Variants in ACKR5 observed in about 807,000 individuals in gnomAD.
ACKR5 encodes the protein G protein-coupled receptor 182.
the ACKR5 span, chr12:56,996,043 G>C: frequency 6.2e-7 from 1 of 1,611,132 alleles, no homozygotes; most frequent in Non-Finnish European, 8.5e-7. Context: ...ATGTGACCCT[G>C]CTGCTGCTCA....
chr12:56,997,713 T>G, the ACKR5 span: 1 of 152,242 alleles, frequency 6.6e-6, no homozygotes, highest in Non-Finnish European at 1.5e-5. Flanking sequence ...GAATCACTGA[T>G]AGCCTCTTCA....
At chr12:56,995,877 C>T in the ACKR5 span, 1 of 1,612,356 alleles carries the variant, frequency 6.2e-7, no homozygotes, top group Non-Finnish European at 8.5e-7. The surrounding 1 kb of genome is among the most constrained non-coding windows in gnomAD (Gnocchi z 4.7). Flanking sequence ...CTGTCCACCA[C>T]CATCCTGGGC....
At chr12:56,996,525 G>T in the ACKR5 span, 1 of 1,055,948 alleles carries the variant, frequency 9.5e-7, no homozygotes, top group Non-Finnish European at 1.4e-6. Context: ...AGCACTCGTG[G>T]TCAATTTTGA....
the ACKR5 span, chr12:56,995,990 T>C: frequency 1.2e-6 from 2 of 1,610,408 alleles, no homozygotes; most frequent in Non-Finnish European, 1.7e-6. This position sits in a 1 kb window ranked among gnomAD's most constrained non-coding sequence, Gnocchi z 4.7. Context: ...CCTGCTGCTG[T>C]GCGCCTACGT....
chr12:56,995,328 T>C, the ACKR5 span: 1 of 1,614,210 alleles, frequency 6.2e-7, no homozygotes, highest in Non-Finnish European at 8.5e-7. The surrounding 1 kb of genome is among the most constrained non-coding windows in gnomAD (Gnocchi z 4.7). Flanking sequence ...AACCACACTT[T>C]GTCTGAGTGC....
chr12:56,996,364 A>G, the ACKR5 span: 7 of 1,612,692 alleles, frequency 4.3e-6, 1 homozygote, highest in Non-Finnish European at 5.9e-6. Flanking sequence ...GCTTTCAGGC[A>G]CACCATTTGC....
At chr12:56,994,757 CGTGT>C in the ACKR5 span, 13 of 176,844 alleles carry the variant, frequency 7.4e-5, no homozygotes, top group East Asian at 2.9e-4. Context: ...GTGTGGTGTG[CGTGT>C]GTGTGTGTGT....
chr12:56,995,960 C>T, the ACKR5 span: 3 of 1,611,918 alleles, frequency 1.9e-6, no homozygotes, highest in Admixed American at 1.7e-5. The surrounding 1 kb of genome is among the most constrained non-coding windows in gnomAD (Gnocchi z 4.7). Context: ...GCCAGGACAA[C>T]CCAAGAGCCG....
At chr12:56,998,767 G>A in the ACKR5 span, 1 of 152,612 alleles carries the variant, frequency 6.6e-6, no homozygotes, top group African/African-American at 2.4e-5. Flanking sequence ...CTGCTGAAAG[G>A]GTGATGAGCC....
chr12:56,996,528 A>T, the ACKR5 span: 1 of 1,000,598 alleles, frequency 1.0e-6, no homozygotes, highest in Non-Finnish European at 1.5e-6. Flanking sequence ...ACTCGTGGTC[A>T]ATTTTGAATC....
chr12:56,996,221 T>C, the ACKR5 span: 2 of 1,614,056 alleles, frequency 1.2e-6, no homozygotes, highest in Non-Finnish European at 1.7e-6. Context: ...TGTAGTCCAT[T>C]ACCTTCCTAA....
At chr12:56,995,273 G>A in the ACKR5 span, 2 of 1,614,138 alleles carry the variant, frequency 1.2e-6, no homozygotes, top group East Asian at 2.2e-5. The surrounding 1 kb of genome is among the most constrained non-coding windows in gnomAD (Gnocchi z 4.7). Flanking sequence ...GCCTACCAGT[G>A]ACCTTGGAGA....
chr12:56,995,595 C>T, the ACKR5 span: 1 of 1,614,198 alleles, frequency 6.2e-7, no homozygotes, highest in Admixed American at 1.7e-5. The surrounding 1 kb of genome is among the most constrained non-coding windows in gnomAD (Gnocchi z 4.7). Flanking sequence ...TGCCGCTTCA[C>T]TCACTACTTC....
chr12:56,996,127 C>T, the ACKR5 span: 42 of 1,613,978 alleles, frequency 2.6e-5, no homozygotes, highest in East Asian at 7.1e-4. Flanking sequence ...ATGTCATTGA[C>T]TGCTTCTCCA....
the ACKR5 span, chr12:56,995,922 A>G: frequency 2.5e-5 from 40 of 1,613,184 alleles, no homozygotes; most frequent in South Asian, 3.3e-5. This position sits in a 1 kb window ranked among gnomAD's most constrained non-coding sequence, Gnocchi z 4.7. Context: ...ACAGTCTTCA[A>G]TGTGCTGACA....
chr12:56,995,051 CA>C, the ACKR5 span: 4 of 659,480 alleles, frequency 6.1e-6, 1 homozygote, highest in Non-Finnish European at 1.1e-5. The surrounding 1 kb of genome is among the most constrained non-coding windows in gnomAD (Gnocchi z 4.7). Context: ...ATTATTTATT[CA>C]CAGTTTGAAA....
chr12:56,996,577 C>A, the ACKR5 span: 1 of 674,690 alleles, frequency 1.5e-6, no homozygotes, highest in Non-Finnish European at 2.5e-6. Context: ...GAGACAGGAT[C>A]AGGAGCGATA....
chr12:56,996,354 G>C, the ACKR5 span: 46 of 1,613,504 alleles, frequency 2.9e-5, 1 homozygote, highest in South Asian at 4.7e-4. Context: ...CCAAGCCTGA[G>C]CTTTCAGGCA....
At chr12:56,994,758 G>C in the ACKR5 span, 3 of 164,676 alleles carry the variant, frequency 1.8e-5, no homozygotes, top group Admixed American at 6.1e-5. Flanking sequence ...TGTGGTGTGC[G>C]TGTGTGTGTG....
Sources: gnomAD v4.1 joint callset for allele counts on GRCh38, gnomAD v4.1.1 for gene constraint, Gnocchi (gnomAD v3.1) non-coding constraint, MANE v1.5 for transcripts, NCBI Gene and HGNC (gene_info 2026-07-23, HGNC 2026-07-21) for gene names.